The following PLXNA1 variants were observed in gnomAD, a reference collection of about 807,000 sequenced individuals.
PLXNA1 encodes plexin A1, also known as plexin-A1.
A neutral mutation model predicts 191.7 loss-of-function variants in PLXNA1; 77 were observed. The ratio of observed to expected loss-of-function variants is 0.40; its 90% CI spans 0.33 to 0.49. The LOEUF is 0.49. Among genes scored for constraint, PLXNA1 ranks in the 20% least tolerant of loss-of-function variants. PLXNA1 has a pLI of 0.63. For missense variants in PLXNA1, 2,110 were observed against 2,660.2 expected, an observed-to-expected ratio of 0.79 and a Z score of 4.55; for synonymous variants, 1,137 against 1,156.4, an observed-to-expected ratio of 0.98 and a Z score of 0.34.
intron 1 of PLXNA1, among the ~76,000 whole-genome samples, 68 bp downstream of exon 1, chr3:126,983,355 G>A (rs919663339): frequency 6.9e-6 from 1 of 144,882 alleles, no homozygotes; most frequent in African/African-American, 2.5e-5. Context: ...GCTGGGGTCC[G>A]GGGCCGGGCG....
rs749888480 is a variant in PLXNA1, at chr3:127,017,843, C to T, written c.3611C>T (p.Thr1204Met). 1.7e-5 allele frequency: 27 copies of T among 1,612,790 alleles called. No individual in the cohort carries two copies. Among genetic ancestry groups the T allele is most frequent in the South Asian group, 8.8e-5 (8 of 91,066 alleles). Residue 1204 changes from threonine to methionine, a missense_variant, in exon 19 of 32, where the codon ACG becomes ATG. By Grantham distance (81) the Thr-to-Met change is moderately conservative (BLOSUM62 -1). This residue lies in a region of PLXNA1 where 644 missense variants were observed against 714.3 expected (regional missense o/e 0.90). Transcript: ENST00000393409. ...CCCTGTACCCTCACCGTGTCGGAGA[C>T]GCAACTGCTGTGCGAGGCGCCCAAC... The part of the protein sequence containing the change: ...STPCTLTVSE[T>M]QLLCEAPNLT...
chr3:126,984,620 T>TG (rs1166458292), intron 1 of PLXNA1, among the ~76,000 whole-genome samples: 1 of 151,716 alleles, frequency 6.6e-6, no homozygotes, highest in Non-Finnish European at 1.5e-5. Flanking sequence ...CTTCCATTCC[T>TG]GGGGGGTGCC....
In PLXNA1 at chr3:126,988,576, C is replaced by G; in HGVS notation, c.-18C>G. ...CCCAGCAGGACCAGAGCACCGAGGC[C>G]CAAGGCCCCAGCCTGCCATGCCGCT... On this transcript the variant is annotated 5_prime_UTR_variant, in exon 2 of 32. Coordinates refer to ENST00000393409, the MANE Select transcript of PLXNA1 (RefSeq NM_032242.4). The G allele has an allele frequency of 6.8e-7, 1 of 1,472,920 alleles. No individual in the cohort carries two copies. Among genetic ancestry groups the G allele is most frequent in the Non-Finnish European group, 9.0e-7 (1 of 1,116,400 alleles). 91.2% of individuals were successfully genotyped at this position (1,472,920 alleles called of 1,614,324 possible). A position where few individuals can be genotyped will look rare whatever the true frequency, so the allele number is the denominator to read the frequency against.
intron 1 of PLXNA1, among the ~76,000 whole-genome samples, chr3:126,985,396 C>A (rs955942481): frequency 6.6e-5 from 10 of 152,146 alleles, no homozygotes; most frequent in African/African-American, 2.4e-4. Flanking sequence ...TCTGCCTCAG[C>A]CTAGAACAGC....
chr3:127,018,772 G>C (rs1285756798), intron 20 of PLXNA1, among the ~76,000 whole-genome samples: 2 of 152,210 alleles, frequency 1.3e-5, no homozygotes, highest in Non-Finnish European at 2.9e-5. Context: ...AAGCCAGACT[G>C]TTTGCATTTG....
chr3:127,014,955 G>A, intron 14 of PLXNA1, 124 bp downstream of exon 14: 1 of 1,455,628 alleles, frequency 6.9e-7, no homozygotes, highest in South Asian at 1.4e-5. Context: ...TCCACGGCCT[G>A]GGTGCTGCCC....
In PLXNA1 at chr3:126,989,328, C is replaced by G. The variant is rs2078977569; in HGVS notation, c.735C>G (p.Tyr245Ter). 1 of 1,613,688 alleles carries G rather than the reference C, an allele frequency of 6.2e-7. No homozygotes were observed. Among genetic ancestry groups the G allele is most frequent in the Non-Finnish European group, 8.5e-7 (1 of 1,180,050 alleles). ...TLSKFPAFDIYYVYSFRSEQF... is the reference protein window; with the variant it reads ...TLSKFPAFDI ...CCAAGTTCCCGGCCTTTGACATCTACTATGTGTACAGCTTCCGCAGCGAGC... is the reference window on the plus strand; with the variant it reads ...CCAAGTTCCCGGCCTTTGACATCTAGTATGTGTACAGCTTCCGCAGCGAGC... The change falls in exon 2 of 32, where the codon TAC (tyrosine) becomes TAG (stop). Residue 245 changes from tyrosine to a stop codon, truncating the protein, a stop_gained. Transcript: ENST00000393409. LOFTEE classifies it high-confidence loss of function.
At position 127,007,872 on chromosome 3, in the gene PLXNA1, G is replaced by C. The variant is rs1450613648; in HGVS notation, c.2071G>C (p.Ala691Pro). The C allele has an allele frequency of 6.2e-7, 1 of 1,612,406 alleles. No homozygotes were observed. The highest frequency in any genetic ancestry group is 8.5e-7 in the Non-Finnish European group (1 of 1,179,182). ...CCGCCACGTGTGCACACACAACGTG[G>C]CTGACTGCGCCTTCCTGGAGGGCCG... ...KYRHVCTHNV[A>P]DCAFLEGRVN... is the part of the protein sequence containing the mutation. Residue 691 changes from alanine (A) to proline (P), a missense_variant, in exon 9 of 32, where the codon GCT becomes CCT. By Grantham distance (27) the Ala-to-Pro change is conservative (BLOSUM62 -1). Around this residue, in one of 4 missense-constraint regions of PLXNA1, gnomAD observed 903 missense variants for 1,015.7 expected, o/e 0.89. Coordinates refer to ENST00000393409, the MANE Select transcript of PLXNA1 (RefSeq NM_032242.4).
At chr3:126,998,559 T>C (rs1403067823) in intron 3 of PLXNA1, among the ~76,000 whole-genome samples, 1 of 152,110 alleles carries the variant, frequency 6.6e-6, no homozygotes, top group African/African-American at 2.4e-5. Context: ...CCCCACCAGG[T>C]GTGGCCTCAC....
chr3:127,018,105 A>G (rs1004148249), intron 19 of PLXNA1, among the ~76,000 whole-genome samples, 189 bp from the exon 20 acceptor site: 251 of 150,740 alleles, frequency 1.7e-3, no homozygotes, highest in Non-Finnish European at 2.8e-3. Flanking sequence ...TTGCCATGCC[A>G]GTGGTGCCCT....
chr3:127,016,820 G>A, intron 16 of PLXNA1, 124 bp from the exon 17 acceptor site: 1 of 1,389,236 alleles, frequency 7.2e-7, no homozygotes, highest in Non-Finnish European at 1.0e-6. Flanking sequence ...CCCTTGCCAA[G>A]AGCTTTTACC....
chr3:126,998,492 G>A (rs537638790), intron 3 of PLXNA1, among the ~76,000 whole-genome samples: 6 of 152,304 alleles, frequency 3.9e-5, no homozygotes, highest in Non-Finnish European at 8.8e-5. Context: ...AGGTTAGCCC[G>A]GAGCCCAGGC....
chr3:127,024,278 G>GAT (rs1364527753), intron 23 of PLXNA1, among the ~76,000 whole-genome samples: 1 of 152,212 alleles, frequency 6.6e-6, no homozygotes, highest in Non-Finnish European at 1.5e-5. Context: ...TTCATGCCAG[G>GAT]ATATAGGGGG....
intron 20 of PLXNA1, among the ~76,000 whole-genome samples, chr3:127,019,480 T>G (rs553623870): frequency 2.6e-4 from 39 of 152,302 alleles, no homozygotes; most frequent in South Asian, 1.2e-3. Context: ...GCTGGCTGTC[T>G]GGCGAGGCTG....
chr3:127,013,268 C>T (rs962849659), intron 10 of PLXNA1, among the ~76,000 whole-genome samples: 1 of 142,490 alleles, frequency 7.0e-6, no homozygotes, highest in Non-Finnish European at 1.5e-5. Context: ...ACCCTCCCTT[C>T]TCACCAGGCC....
chr3:127,028,750 C>T, intron 25 of PLXNA1: 2 of 569,380 alleles, frequency 3.5e-6, no homozygotes, highest in South Asian at 2.1e-5. Flanking sequence ...GAGTTGGGGC[C>T]CTAAGGCTTG....
At chr3:127,023,737 C>G (rs114403997) in intron 23 of PLXNA1, among the ~76,000 whole-genome samples, 1 of 152,180 alleles carries the variant, frequency 6.6e-6, no homozygotes, top group African/African-American at 2.4e-5. Context: ...GAGTCCTGGC[C>G]AGACATCCTC....
Position 127,028,252 on chromosome 3 carries a change from G to A in PLXNA1, c.4581G>A (p.Thr1527=), listed in dbSNP as rs772947536. Residue 1527 remains threonine (T), a synonymous_variant, in exon 25 of 32, where the codon ACG becomes ACA. Transcript: ENST00000393409. ...CGGTGAAGGGGCTGGACTGTGACAC[G>A]GTCACCCAGGCCAAGGAGAAGCTGC... ...EVPVKGLDCD[T]VTQAKEKLLD... 19 of 1,612,828 alleles carry A rather than the reference G, an allele frequency of 1.2e-5. No individual in the cohort carries two copies. Among genetic ancestry groups the A allele is most frequent in the East Asian group, 2.2e-5 (1 of 44,896 alleles).
In PLXNA1 at chr3:126,997,651, A is replaced by C. The variant is rs187834871; in HGVS notation, c.1378-5679A>C. On this transcript the variant is annotated intron_variant, in intron 3 of 31. Coordinates refer to ENST00000393409, the MANE Select transcript of PLXNA1 (RefSeq NM_032242.4). ...CCCCCTTTCCGCCTCTCCTGGATGT[A>C]GTTGGCCACTGTGGGCTGAGCCATG... 7.9e-4 allele frequency among the ~76,000 whole-genome samples: 120 copies of C among 152,272 alleles called. 1 individual carries two copies. Among genetic ancestry groups the C allele is most frequent in the African/African-American group, 2.7e-3 (114 of 41,568 alleles).
Sources: gnomAD v4.1 joint callset for allele counts (sites outside exome capture counted in the v4.1 genomes callset) on GRCh38, gnomAD v4.1.1 for gene constraint, gnomAD v4.1.1 regional missense constraint, MANE v1.5 for transcripts, NCBI Gene and HGNC (gene_info 2026-07-23, HGNC 2026-07-21) for gene names.